The following CDC42BPA variants were observed in gnomAD, a reference collection of about 807,000 sequenced individuals.
The protein encoded by CDC42BPA is CDC42 binding protein kinase alpha, also known as serine/threonine-protein kinase MRCK alpha.
Under a neutral mutation model 223.5 loss-of-function variants are expected in CDC42BPA, and 80 were observed. The observed-to-expected ratio is 0.36, with a 90% CI of 0.30 to 0.43. The LOEUF is 0.43. Among genes scored for constraint, CDC42BPA ranks in the 20% least tolerant of loss-of-function variants. The probability of loss-of-function intolerance (pLI) is 1.00; values close to 1 mark genes in which losing one functional copy is unlikely to be tolerated. For synonymous variants in CDC42BPA, 694 were observed against 718.6 expected (o/e 0.97, Z 0.55); for missense variants, 1,743 against 2,099.9 (o/e 0.83, Z 3.32).
chr1:227,292,499 T>A (rs1237094165), intron 1 of CDC42BPA, among the ~76,000 whole-genome samples: 1 of 152,198 alleles, frequency 6.6e-6, no homozygotes, highest in Admixed American at 6.5e-5. Context: ...TAAAACTTTT[T>A]AAAAATATTT....
intron 2 of CDC42BPA, among the ~76,000 whole-genome samples, chr1:227,216,527 T>C (rs1374869143): frequency 6.6e-6 from 1 of 152,234 alleles, no homozygotes; most frequent in Non-Finnish European, 1.5e-5. Context: ...AATTATTGAA[T>C]TGATAAATGA....
At chr1:227,226,284 G>A (rs890007297) in intron 2 of CDC42BPA, among the ~76,000 whole-genome samples, 1 of 152,160 alleles carries the variant, frequency 6.6e-6, no homozygotes, top group Admixed American at 6.6e-5. Flanking sequence ...TTTGCATTTA[G>A]GAGAAAATAA....
chr1:227,228,495 A>G (rs1317909631), intron 2 of CDC42BPA, among the ~76,000 whole-genome samples: 2 of 152,206 alleles, frequency 1.3e-5, no homozygotes, highest in Admixed American at 6.5e-5. Flanking sequence ...ACATTCATAT[A>G]CAAGTTTTTG....
chr1:227,176,957 C>A (rs963252494), intron 5 of CDC42BPA, among the ~76,000 whole-genome samples: 9 of 151,656 alleles, frequency 5.9e-5, no homozygotes, highest in African/African-American at 2.2e-4. Flanking sequence ...AATCCACTGG[C>A]TCTTTATGCC....
chr1:226,997,641 G>T (rs1007122932), intron 35 of CDC42BPA, among the ~76,000 whole-genome samples: 11 of 152,148 alleles, frequency 7.2e-5, no homozygotes, highest in Admixed American at 5.2e-4. Context: ...AGAGATTCTG[G>T]TATGTTGTGT....
intron 21 of CDC42BPA, among the ~76,000 whole-genome samples, chr1:227,052,586 A>G (rs1397257471): frequency 6.6e-6 from 1 of 152,198 alleles, no homozygotes; most frequent in Non-Finnish European, 1.5e-5. Context: ...AAAAGATCTT[A>G]TGAACCATAC....
At chr1:227,134,650 T>A (rs1336601199) in intron 10 of CDC42BPA, among the ~76,000 whole-genome samples, 1 of 152,226 alleles carries the variant, frequency 6.6e-6, no homozygotes, top group Non-Finnish European at 1.5e-5. Flanking sequence ...GCTCCTGGGC[T>A]GTTTGATACT....
At chr1:227,034,470 C>T (rs1669877715) in intron 26 of CDC42BPA, among the ~76,000 whole-genome samples, 185 bp downstream of exon 26, 1 of 152,202 alleles carries the variant, frequency 6.6e-6, no homozygotes, top group Admixed American at 6.5e-5. Flanking sequence ...AACACACATA[C>T]CAACCTGTCC....
chr1:227,183,334 C>CTACT (rs1327242715), intron 5 of CDC42BPA: 1 of 152,122 alleles, frequency 6.6e-6, no homozygotes, highest in Non-Finnish European at 1.5e-5. Context: ...CTTTGTATTT[C>CTACT]TACTTACTCC....
chr1:227,247,368 G>A (rs770354322), intron 2 of CDC42BPA, among the ~76,000 whole-genome samples: 5 of 151,008 alleles, frequency 3.3e-5, no homozygotes, highest in South Asian at 2.1e-4. Flanking sequence ...GATGGTGCAC[G>A]CCTGTAATCC....
At chr1:227,134,312 T>G (rs1658050324) in intron 10 of CDC42BPA, among the ~76,000 whole-genome samples, 1 of 152,194 alleles carries the variant, frequency 6.6e-6, no homozygotes, top group Admixed American at 6.5e-5. Flanking sequence ...ACTGTATGAT[T>G]TTACCCAAGT....
chr1:227,058,804 G>C (rs1474609704), intron 21 of CDC42BPA, among the ~76,000 whole-genome samples: 1 of 151,298 alleles, frequency 6.6e-6, no homozygotes, highest in Non-Finnish European at 1.5e-5. Flanking sequence ...TCTTAGAATA[G>C]AAAGGCTTTA....
At chr1:227,128,489 G>T (rs998503661) in intron 11 of CDC42BPA, among the ~76,000 whole-genome samples, 2 of 152,030 alleles carry the variant, frequency 1.3e-5, no homozygotes, top group Non-Finnish European at 2.9e-5. Flanking sequence ...CCAAAGCAAA[G>T]AATTTTTGTT....
In CDC42BPA at chr1:227,043,391, G is replaced by A. The variant is rs979972246; in HGVS notation, c.3094-3155C>T. Among the ~76,000 whole-genome samples the A allele has an allele frequency of 2.0e-4, 27 of 135,432 alleles. No individual in the cohort carries two copies. The Admixed American group carries it at 2.0e-3, about 10-fold the overall frequency. The allele number at this position is 135,432 out of a possible 152,430, so 88.8% of individuals were successfully genotyped here. On this transcript the variant is annotated intron_variant, in intron 23 of 36. Coordinates refer to ENST00000366766, the MANE Select transcript of CDC42BPA (RefSeq NM_001394014.1). ...TCACGCCACTGCACTCCGGCCTGGC[G>A]ACAAAACGAGACTTCGTCTCAAAAA... is the stretch of plus-strand genomic sequence containing the variant.
Position 227,298,578 on chromosome 1 carries a change from T to C in CDC42BPA, c.178+18427A>G, listed in dbSNP as rs564659849. On this transcript the variant is annotated intron_variant, in intron 1 of 36. Coordinates refer to ENST00000366766, the MANE Select transcript of CDC42BPA (RefSeq NM_001394014.1). ...TTGGCTGTCCCAGAGTTTTGTCCTT[T>C]ATAATCAACTGTTAATATAGATTCA... Among the ~76,000 whole-genome samples the C allele has an allele frequency of 5.9e-5, 9 of 152,244 alleles. No individual in the cohort carries two copies. In the South Asian group the frequency reaches 1.9e-3, roughly 32 times the overall value.
At chr1:227,046,232 A>G (rs1193477116) in intron 23 of CDC42BPA, among the ~76,000 whole-genome samples, 2 of 152,192 alleles carry the variant, frequency 1.3e-5, no homozygotes, top group African/African-American at 4.8e-5. Context: ...GAGAGCAAAC[A>G]TATGATGTGC....
intron 28 of CDC42BPA, among the ~76,000 whole-genome samples, chr1:227,030,815 A>G (rs1242247723): frequency 6.6e-6 from 1 of 152,208 alleles, no homozygotes; most frequent in Non-Finnish European, 1.5e-5. Context: ...ATTTATGGAA[A>G]GTAACAAAAG....
intron 4 of CDC42BPA, among the ~76,000 whole-genome samples, chr1:227,199,199 T>C (rs1312229715): frequency 2.6e-5 from 4 of 152,178 alleles, no homozygotes; most frequent in African/African-American, 9.7e-5. Context: ...TAAGATGAAT[T>C]TGAGCACAAT....
chr1:227,284,810 A>C (rs996244055), intron 1 of CDC42BPA, among the ~76,000 whole-genome samples: 1 of 151,972 alleles, frequency 6.6e-6, no homozygotes, highest in African/African-American at 2.4e-5. Context: ...AAAATAGAAA[A>C]AATTAGCCGG....
Sources: gnomAD v4.1 joint callset for allele counts (sites outside exome capture counted in the v4.1 genomes callset) on GRCh38, gnomAD v4.1.1 for gene constraint, MANE v1.5 for transcripts, NCBI Gene and HGNC (gene_info 2026-07-23, HGNC 2026-07-21) for gene names.